CEP192: variants seen among roughly 807,000 people sequenced by gnomAD.
CEP192 encodes centrosomal protein 192, also known as centrosomal protein of 192 kDa.
Under a neutral mutation model 271.8 loss-of-function variants are expected in CEP192, and 151 were observed. The ratio of observed to expected loss-of-function variants is 0.56; its 90% CI spans 0.49 to 0.64. The LOEUF is 0.64. Ranked by LOEUF, CEP192 falls within the 30% of genes least tolerant of loss-of-function variation. The pLI is 0.00. For synonymous variants in CEP192, 995 were observed against 1,076.5 expected, an observed-to-expected ratio of 0.92 and a Z score of 1.48; for missense variants, 2,910 against 3,020.5, an observed-to-expected ratio of 0.96 and a Z score of 0.86.
intron 12 of CEP192, 23 bp from the exon 13 acceptor site, chr18:13,038,347 C>T (rs774924622): frequency 2.7e-5 from 42 of 1,527,974 alleles, no homozygotes; most frequent in East Asian, 9.8e-5. Context: ...GGGAAAGAAA[C>T]GAAACAATAA....
intron 18 of CEP192, among the ~76,000 whole-genome samples, chr18:13,055,110 T>C (rs2037013129): frequency 6.6e-6 from 1 of 151,960 alleles, no homozygotes; most frequent in Non-Finnish European, 1.5e-5. Context: ...AAACCCTGTC[T>C]CTACTAAAAA....
intron 10 of CEP192, among the ~76,000 whole-genome samples, 194 bp from the exon 11 acceptor site, chr18:13,030,271 A>G (rs1056752000): frequency 3.9e-5 from 6 of 152,128 alleles, no homozygotes; most frequent in Non-Finnish European, 7.4e-5. Context: ...TTTTGTGAGT[A>G]AGGCTGGCTT....
chr18:13,025,672 C>T (rs9303779), intron 9 of CEP192, among the ~76,000 whole-genome samples: 148,739 of 152,364 alleles, frequency 0.98, 72,632 homozygotes, highest in East Asian at 1. Flanking sequence ...GATAACATTA[C>T]ACTGCTTAAC....
rs1244429959 is a variant in CEP192, at chr18:13,042,344, G to C, written c.2067+10G>C. 6.2e-7 allele frequency: 1 copy of C among 1,613,296 alleles called. No homozygotes were observed. The highest frequency in any genetic ancestry group is 8.5e-7 in the Non-Finnish European group (1 of 1,179,656). On this transcript the variant is annotated intron_variant, in intron 15 of 44. Transcript: ENST00000506447. ...TAAAGGCAAAACAGAGGTAGCTTCA[G>C]CCTTTCGTAAGGAAATCTAAGATTA...
chr18:13,098,638 C>T (rs577915335), intron 36 of CEP192, among the ~76,000 whole-genome samples: 13 of 151,824 alleles, frequency 8.6e-5, no homozygotes, highest in East Asian at 5.9e-4. Context: ...CGGGAAGAGG[C>T]GCTCCTCCCT....
At chr18:13,057,210 C>A (rs1257040310) in intron 19 of CEP192, among the ~76,000 whole-genome samples, 3 of 151,146 alleles carry the variant, frequency 2.0e-5, no homozygotes, top group Non-Finnish European at 2.9e-5. Flanking sequence ...AAATCTGATA[C>A]GTGTCCACAT....
chr18:13,092,998 C>CA (rs1015615296), intron 34 of CEP192, among the ~76,000 whole-genome samples: 6 of 148,224 alleles, frequency 4.0e-5, no homozygotes, highest in African/African-American at 9.9e-5. Context: ...ACTAAAAATA[C>CA]AAAAAAAAAA....
chr18:12,999,732 G>C, intron 2 of CEP192, 144 bp downstream of exon 2: 1 of 539,196 alleles, frequency 1.9e-6, no homozygotes, highest in South Asian at 5.0e-5. Flanking sequence ...ATATAGAAAA[G>C]ACAGAATTTA....
At position 13,061,586 on chromosome 18, in the gene CEP192, T is replaced by A. The variant is rs544291460; in HGVS notation, c.4488+2274T>A. On this transcript the variant is annotated intron_variant, in intron 21 of 44. Coordinates refer to ENST00000506447, the MANE Select transcript of CEP192 (RefSeq NM_032142.4). ...TTTTCCATGTTTTTGTGTTCCTGTGTTCTTATGTTGATATTTGCACATATT... is the reference window on the plus strand; with the variant it reads ...TTTTCCATGTTTTTGTGTTCCTGTGATCTTATGTTGATATTTGCACATATT... 3.3e-5 allele frequency among the ~76,000 whole-genome samples: 5 copies of A among 152,396 alleles called. No homozygotes were observed. The South Asian group carries it at 1.0e-3, about 32-fold the overall frequency.
At position 13,098,507 on chromosome 18, in the gene CEP192, G is replaced by A. The variant is rs571122135; in HGVS notation, c.6558-969G>A. Among the ~76,000 whole-genome samples the A allele has an allele frequency of 4.0e-5, 6 of 151,834 alleles. No homozygotes were observed. The South Asian group carries it at 1.2e-3, about 32-fold the overall frequency. The stretch of plus-strand genomic sequence containing the variant: ...CGCTCCTCACCTCCCAGATGGGGTC[G>A]CGGCCGGGCAGAGGCGCTCCTCACA... On this transcript the variant is annotated intron_variant, in intron 36 of 44. Coordinates refer to ENST00000506447, the MANE Select transcript of CEP192 (RefSeq NM_032142.4).
chr18:12,995,367 T>C (rs1773683943), intron 1 of CEP192, among the ~76,000 whole-genome samples: 1 of 152,022 alleles, frequency 6.6e-6, no homozygotes, highest in Non-Finnish European at 1.5e-5. Context: ...CCCGGCCTCA[T>C]GGGAGGATTT....
At chr18:13,103,928 A>C (rs752825326) in intron 39 of CEP192, 1 of 457,770 alleles carries the variant, frequency 2.2e-6, no homozygotes. Flanking sequence ...GACCTCAAGC[A>C]ATCTTCCCAC....
chr18:13,029,289 T>G (rs868777371), intron 9 of CEP192, among the ~76,000 whole-genome samples: 2 of 152,268 alleles, frequency 1.3e-5, no homozygotes, highest in African/African-American at 4.8e-5. Context: ...TTTATCCATA[T>G]TAATTTTATG....
At position 13,042,638 on chromosome 18, in the gene CEP192, C is replaced by T. The variant is rs78604850; in HGVS notation, c.2067+304C>T. On this transcript the variant is annotated intron_variant, in intron 15 of 44. Coordinates refer to ENST00000506447, the MANE Select transcript of CEP192 (RefSeq NM_032142.4). ...ACAGCTCAGAAACAAGTTTTTTTGC[C>T]GCCTCCAGTTACCTGACCTTTAACC... is the stretch of plus-strand genomic sequence containing the variant. Among the ~76,000 whole-genome samples the T allele has an allele frequency of 7.6e-3, 1,157 of 152,188 alleles. 14 individuals are homozygous for T. The highest frequency in any genetic ancestry group is 0.026 in the African/African-American group (1,086 of 41,526).
intron 3 of CEP192, among the ~76,000 whole-genome samples, chr18:13,003,567 C>G (rs1019914832): frequency 9.9e-5 from 15 of 151,822 alleles, no homozygotes; most frequent in African/African-American, 3.6e-4. Context: ...CCTGAAGGAA[C>G]TAAGGCAGGA....
At position 13,017,343 on chromosome 18, in the gene CEP192, T is replaced by C. The variant is rs1367399097; in HGVS notation, c.789+7T>C. ...TACAAATGGTCTTAGACAGGTGTGT[T>C]CCAGTCTTTATGATTTTTCAGAAAT... On this transcript the variant is annotated splice_region_variant and intron_variant, in intron 7 of 44. Transcript: ENST00000506447. The C allele has an allele frequency of 6.6e-7, 1 of 1,508,002 alleles. No individual in the cohort carries two copies. 93.4% of individuals were successfully genotyped at this position (1,508,002 alleles called of 1,614,324 possible). A position where few individuals can be genotyped will look rare whatever the true frequency, so the allele number is the denominator to read the frequency against.
At position 13,042,269 on chromosome 18, in the gene CEP192, G is replaced by A; in HGVS notation, c.2002G>A (p.Val668Ile). The part of the protein sequence containing the change: ...EGSITLQVEA[V>I]ESTSQVDEND... ...ATCAATTACACTTCAGGTTGAAGCA[G>A]TAGAGAGTACTTCACAAGTGGATGA... Residue 668 changes from valine (V) to isoleucine (I), a missense_variant, in exon 15 of 45, where the codon GTA becomes ATA. By Grantham distance (29) the Val-to-Ile change is conservative. Transcript: ENST00000506447. The A allele has an allele frequency of 6.2e-7, 1 of 1,613,664 alleles. No homozygotes were observed. Among genetic ancestry groups the A allele is most frequent in the Non-Finnish European group, 8.5e-7 (1 of 1,179,544 alleles).
At chr18:13,015,208 G>A in intron 5 of CEP192, 120 bp from the exon 6 acceptor site, 2 of 912,102 alleles carry the variant, frequency 2.2e-6, no homozygotes, top group Admixed American at 3.1e-5. Flanking sequence ...CCTAAGCTGT[G>A]ATTTACAGAT....
rs770645534 is a variant in CEP192 at position 13,040,869 on chromosome 18, G to A, written c.1849G>A (p.Glu617Lys). Residue 617 changes from glutamate (E) to lysine (K), a missense_variant, in exon 14 of 45, where the codon GAA becomes AAA. Glu to Lys is a moderately conservative substitution (Grantham distance 56). Transcript: ENST00000506447. ...GYFIRSPEKR[E>K]PIALIRKSDV... ...TTTTATTAGATCACCAGAGAAGAGA[G>A]AACCTATTGCCTTAATAAGAAAATC... The A allele has an allele frequency of 6.9e-6, 11 of 1,602,772 alleles. No individual in the cohort carries two copies. The East Asian group carries it at 2.2e-4, about 33-fold the overall frequency.
Sources: allele counts gnomAD v4.1 joint callset (sites outside exome capture counted in the v4.1 genomes callset), GRCh38; gene constraint gnomAD v4.1.1; transcripts MANE v1.5; gene names NCBI Gene and HGNC (gene_info 2026-07-23, HGNC 2026-07-21).